The following SON variants were observed in gnomAD, a reference collection of about 807,000 sequenced individuals.
SON encodes the protein protein SON.
SON carries 4 observed loss-of-function variants against 173.3 expected under a neutral mutation model. The observed-to-expected ratio is 0.02, with a 90% confidence interval of 0.01 to 0.05. SON has a LOEUF of 0.05. SON is among the 10% of genes least tolerant of loss of function. The probability of loss-of-function intolerance (pLI) is 1.00; values close to 1 mark genes in which losing one functional copy is unlikely to be tolerated. For synonymous variants in SON, 1,190 were observed against 1,105.9 expected (o/e 1.08, Z -1.51); for missense variants, 2,626 against 3,055.3 (o/e 0.86, Z 3.31).
intron 6 of SON, chr21:33,560,222 G>A (rs2086045569): frequency 2.0e-6 from 3 of 1,526,846 alleles, no homozygotes; most frequent in African/African-American, 2.8e-5. Flanking sequence ...GTAGGTTGAT[G>A]TGAGCATCTT....
At position 33,555,139 on chromosome 21, in the gene SON, CGCAGCCGCA is replaced by C; in HGVS notation, c.5909_5917del (p.Arg1970_Thr1973delinsPro). ...CCGCCGCAGCCGCACCCCCAGCCGC[CGCAGCCGCA>C]CCCCCAGCCGCCGCAGCCGCACCCC... On this transcript the variant is annotated inframe_deletion, in exon 3 of 12. Coordinates refer to ENST00000356577, the MANE Select transcript of SON (RefSeq NM_138927.4). 6.8e-7 allele frequency: 1 copy of C among 1,474,864 alleles called. No homozygotes were observed. The allele number at this position is 1,474,864 out of a possible 1,614,324, so 91.4% of individuals were successfully genotyped here.
intron 6 of SON, among the ~76,000 whole-genome samples, chr21:33,562,904 TATCA>T (rs1315868388): frequency 9.2e-5 from 14 of 152,154 alleles, no homozygotes; most frequent in African/African-American, 3.1e-4. Flanking sequence ...ATGGATTTAG[TATCA>T]ATCAAATGTT....
At chr21:33,547,633 A>G (rs2085650219) in intron 2 of SON, among the ~76,000 whole-genome samples, 2 of 141,756 alleles carry the variant, frequency 1.4e-5, no homozygotes, top group Non-Finnish European at 3.2e-5. Flanking sequence ...GTATTATGAA[A>G]CAAACAATTA....
At chr21:33,555,441 C>T (rs2085947832) in intron 3 of SON, 50 bp downstream of exon 3, 2 of 1,436,648 alleles carry the variant, frequency 1.4e-6, no homozygotes, top group African/African-American at 2.9e-5. Context: ...TGTTTTAAAC[C>T]TTAATTTTTT....
Position 33,577,122 on chromosome 21 carries a change from G to A in SON, c.*698G>A, listed in dbSNP as rs2086419466. On this transcript the variant is annotated 3_prime_UTR_variant, in exon 12 of 12. Transcript: ENST00000356577. ...GATCAGCACTAAGTCCTGCATTCCTGTTAAAGCCACTTGGGTCATAAGAAG... is the reference window on the plus strand; with the variant it reads ...GATCAGCACTAAGTCCTGCATTCCTATTAAAGCCACTTGGGTCATAAGAAG... The A allele has an allele frequency of 6.5e-6, 1 of 153,116 alleles. No individual in the cohort carries two copies. Among genetic ancestry groups the A allele is most frequent in the Non-Finnish European group, 1.5e-5 (1 of 68,580 alleles). 9.5% of individuals were successfully genotyped at this position (153,116 alleles called of 1,614,324 possible). A position where few individuals can be genotyped will look rare whatever the true frequency, so the allele number is the denominator to read the frequency against.
intron 2 of SON, among the ~76,000 whole-genome samples, chr21:33,549,123 G>A (rs886896107): frequency 2.7e-5 from 4 of 150,246 alleles, no homozygotes; most frequent in Non-Finnish European, 5.9e-5. Flanking sequence ...CTGTTGCCTA[G>A]GCTGGAGTAC....
At chr21:33,575,573 T>A (rs2086381369) in intron 9 of SON, 23 bp from the exon 10 acceptor site, 3 of 1,585,538 alleles carry the variant, frequency 1.9e-6, no homozygotes, top group Non-Finnish European at 2.6e-6. Flanking sequence ...GAAATTTATT[T>A]AGTGAACAAT....
chr21:33,560,475 TTAA>T, intron 6 of SON: 1 of 1,021,308 alleles, frequency 9.8e-7, no homozygotes. Context: ...TAGTTGTATC[TTAA>T]TAATGCCAAG....
At chr21:33,556,421 G>C (rs1012418991) in intron 3 of SON, among the ~76,000 whole-genome samples, 4 of 152,132 alleles carry the variant, frequency 2.6e-5, no homozygotes, top group African/African-American at 9.7e-5. Context: ...GTTAGAAGAG[G>C]TGGCACTTCG....
At chr21:33,548,092 T>G (rs2085665600) in intron 2 of SON, among the ~76,000 whole-genome samples, 2 of 150,976 alleles carry the variant, frequency 1.3e-5, no homozygotes, top group Non-Finnish European at 2.9e-5. Flanking sequence ...TTTATCTAAT[T>G]TGATATTGGC....
intron 1 of SON, chr21:33,543,635 C>G (rs2085527848): frequency 1.5e-5 from 3 of 201,260 alleles, no homozygotes; most frequent in Admixed American, 5.3e-5. Flanking sequence ...TTTATTATTG[C>G]GAGCTTCAGA....
chr21:33,545,566 T>G (rs532567116), intron 1 of SON, among the ~76,000 whole-genome samples: 2 of 152,370 alleles, frequency 1.3e-5, no homozygotes, highest in South Asian at 4.1e-4. Flanking sequence ...ATGGAACATG[T>G]GTTAAGCCAT....
rs2086033742 is a variant in SON at position 33,559,658 on chromosome 21, A to G, written c.6540A>G (p.Gly2180=). 1 of 1,614,166 alleles carries G rather than the reference A, an allele frequency of 6.2e-7. No homozygotes were observed. Among genetic ancestry groups the G allele is most frequent in the Non-Finnish European group, 8.5e-7 (1 of 1,180,010 alleles). ...CAAAAGAATTCCCTGTATCATCTGG[A>G]TCTCAACATCGGAAAAAAGAAGCGG... The part of the protein sequence containing the change: ...TLTKEFPVSS[G]SQHRKKEADS... Residue 2180 remains glycine, a synonymous_variant, in exon 6 of 12, where the codon GGA becomes GGG. Coordinates refer to ENST00000356577, the MANE Select transcript of SON (RefSeq NM_138927.4). This position sits in a 1 kb window ranked among gnomAD's most constrained non-coding sequence, Gnocchi z 4.1.
intron 3 of SON, among the ~76,000 whole-genome samples, chr21:33,556,556 T>TA (rs1216560108): frequency 1.3e-5 from 2 of 151,940 alleles, no homozygotes; most frequent in South Asian, 2.1e-4. Context: ...CTACTAAAAA[T>TA]ACAAAAAATT....
At chr21:33,568,691 T>C (rs539153206) in intron 7 of SON, among the ~76,000 whole-genome samples, 4 of 152,296 alleles carry the variant, frequency 2.6e-5, no homozygotes, top group Non-Finnish European at 5.9e-5. Context: ...ATGAGCTCTT[T>C]TTTGCATTTT....
intron 8 of SON, chr21:33,569,500 G>GC (rs2086237794): frequency 2.7e-6 from 1 of 369,942 alleles, no homozygotes; most frequent in Non-Finnish European, 5.4e-6. Flanking sequence ...GTGGATCACT[G>GC]CCCCCAAGAG....
At position 33,559,086 on chromosome 21, in the gene SON, T is replaced by C. The variant is rs1601279740; in HGVS notation, c.6322-144T>C. On this transcript the variant is annotated intron_variant, in intron 4 of 11. Transcript: ENST00000356577. The surrounding 1 kb of genome is among the most constrained non-coding windows in gnomAD (Gnocchi z 4.1). ...CAGCCAGAGTGTGTTTAAATAGTAGTTAATATGCCAAGTTACGTATCTATA... is the reference window on the plus strand; with the variant it reads ...CAGCCAGAGTGTGTTTAAATAGTAGCTAATATGCCAAGTTACGTATCTATA... 8.4e-6 allele frequency: 5 copies of C among 592,882 alleles called. No homozygotes were observed. The highest frequency in any genetic ancestry group is 8.4e-6 in the Non-Finnish European group (3 of 357,552). The allele number at this position is 592,882 out of a possible 1,614,324, so 36.7% of individuals were successfully genotyped here.
rs1260868299 is a variant in SON, at chr21:33,559,454, T to C, written c.6468+78T>C. ...TAAATAAAACCCAAATCGAATTTAG[T>C]TTATTAATTTTTGTTTTAAATACTG... On this transcript the variant is annotated intron_variant, in intron 5 of 11. Transcript: ENST00000356577. The surrounding 1 kb of genome is among the most constrained non-coding windows in gnomAD (Gnocchi z 4.1). The C allele has an allele frequency of 3.5e-5, 53 of 1,494,668 alleles. No individual in the cohort carries two copies. The highest frequency in any genetic ancestry group is 4.7e-5 in the Non-Finnish European group (52 of 1,109,256). 92.6% of individuals were successfully genotyped at this position (1,494,668 alleles called of 1,614,324 possible).
rs150879726 is a variant in SON at position 33,554,291 on chromosome 21, A to G, written c.5060A>G (p.Glu1687Gly). The G allele has an allele frequency of 1.1e-4, 175 of 1,614,074 alleles. No individual in the cohort carries two copies. The highest frequency in any genetic ancestry group is 1.4e-4 in the Non-Finnish European group (170 of 1,180,034). ...KDTEEPLPVK[E>G]SDQTLAALLS... ...ACAGAAGAACCATTACCTGTAAAAGAGAGTGACCAGACATTAGCAGCTCTG... is the reference window on the plus strand; with the variant it reads ...ACAGAAGAACCATTACCTGTAAAAGGGAGTGACCAGACATTAGCAGCTCTG... Residue 1687 changes from glutamate to glycine, a missense_variant, in exon 3 of 12, where the codon GAG (glutamate) becomes GGG (glycine). Around this residue, in one of 13 missense-constraint regions of SON, gnomAD observed 1,006 missense variants for 895.6 expected, o/e 1.12. Transcript: ENST00000356577.
Sources: gnomAD v4.1 joint callset for allele counts (sites outside exome capture counted in the v4.1 genomes callset) on GRCh38, gnomAD v4.1.1 for gene constraint, gnomAD v4.1.1 regional missense constraint, Gnocchi (gnomAD v3.1) non-coding constraint, MANE v1.5 for transcripts, NCBI Gene and HGNC (gene_info 2026-07-23, HGNC 2026-07-21) for gene names.